SIPA1L1: variants seen among roughly 807,000 people sequenced by gnomAD.
SIPA1L1 encodes signal induced proliferation associated 1 like 1.
SIPA1L1 carries 26 observed loss-of-function variants against 162.7 expected under a neutral mutation model. That is an observed-to-expected ratio of 0.16 (90% CI 0.12 to 0.22). SIPA1L1 has a LOEUF of 0.22. SIPA1L1 is among the 10% of genes least tolerant of loss of function. The probability of loss-of-function intolerance (pLI) is 1.00; values close to 1 mark genes in which losing one functional copy is unlikely to be tolerated. For synonymous variants in SIPA1L1, 829 were observed against 837.4 expected (o/e 0.99, Z 0.17); for missense variants, 1,874 against 2,241.0 (o/e 0.84, Z 3.31).
intron 3 of SIPA1L1, among the ~76,000 whole-genome samples, chr14:71,524,093 A>G (rs1448798191): frequency 6.6e-6 from 1 of 151,912 alleles, no homozygotes; most frequent in Non-Finnish European, 1.5e-5. Flanking sequence ...TGGGAGATGA[A>G]TATATGTATG....
chr14:71,542,423 C>CCTG (rs927103529), intron 4 of SIPA1L1, among the ~76,000 whole-genome samples: 16 of 150,768 alleles, frequency 1.1e-4, no homozygotes, highest in Non-Finnish European at 1.5e-4. Context: ...GCTTCTTCTT[C>CCTG]CTGCTGCTGC....
chr14:71,538,661 T>G (rs1391750878), intron 4 of SIPA1L1, among the ~76,000 whole-genome samples: 2 of 152,190 alleles, frequency 1.3e-5, no homozygotes, highest in Non-Finnish European at 2.9e-5. Context: ...TTTCTGGTGT[T>G]TGCTGGATAC....
chr14:71,549,067 C>G (rs1452030734), intron 4 of SIPA1L1, among the ~76,000 whole-genome samples: 3 of 152,122 alleles, frequency 2.0e-5, no homozygotes, highest in Admixed American at 1.3e-4. Flanking sequence ...AAATGCCTCA[C>G]TTTTATTAAA....
At chr14:71,454,710 T>C (rs938001538) in intron 2 of SIPA1L1, among the ~76,000 whole-genome samples, 2 of 152,116 alleles carry the variant, frequency 1.3e-5, no homozygotes, top group African/African-American at 2.4e-5. Context: ...TGAACAAATA[T>C]GCTGATTAAA....
intron 2 of SIPA1L1, among the ~76,000 whole-genome samples, chr14:71,365,828 C>T (rs922933911): frequency 3.3e-5 from 5 of 151,910 alleles, no homozygotes; most frequent in Admixed American, 1.3e-4. Context: ...CTGGCTCAAG[C>T]CATCCTCCTA....
chr14:71,555,688 T>G (rs1349267592), intron 4 of SIPA1L1, among the ~76,000 whole-genome samples: 3 of 152,198 alleles, frequency 2.0e-5, no homozygotes, highest in Non-Finnish European at 4.4e-5. Flanking sequence ...AGCTTTTGAT[T>G]TAAAATGAGA....
intron 2 of SIPA1L1, among the ~76,000 whole-genome samples, chr14:71,493,094 A>AT (rs2049422518): frequency 6.6e-6 from 1 of 151,762 alleles, no homozygotes; most frequent in African/African-American, 2.4e-5. Context: ...ATAGGTATTT[A>AT]TTTTTTTAGA....
chr14:71,632,022 A>C (rs943125017), intron 7 of SIPA1L1, among the ~76,000 whole-genome samples: 1 of 152,258 alleles, frequency 6.6e-6, no homozygotes, highest in Non-Finnish European at 1.5e-5. Context: ...TGCTTATTGC[A>C]GACCGGCCCA....
chr14:71,532,160 G>T (rs1161427846), intron 4 of SIPA1L1, among the ~76,000 whole-genome samples: 1 of 151,932 alleles, frequency 6.6e-6, no homozygotes, highest in Non-Finnish European at 1.5e-5. Context: ...TGTTGAAATT[G>T]TTTGAAGATC....
intron 17 of SIPA1L1, among the ~76,000 whole-genome samples, chr14:71,710,822 A>AG (rs1422826178): frequency 2.2e-4 from 34 of 151,268 alleles, no homozygotes; most frequent in Admixed American, 5.9e-4. Context: ...AAAAAAAAAA[A>AG]AAAGAAAGAA....
At chr14:71,446,903 TTTG>T (rs573248102) in intron 2 of SIPA1L1, among the ~76,000 whole-genome samples, 1,458 of 83,750 alleles carry the variant, frequency 0.017, 92 homozygotes, top group Non-Finnish European at 0.021. Context: ...TGTTTTTTTT[TTTG>T]TTTTTTTTTT....
intron 10 of SIPA1L1, among the ~76,000 whole-genome samples, chr14:71,662,481 C>G (rs1232789810): frequency 6.6e-6 from 1 of 152,186 alleles, no homozygotes; most frequent in Non-Finnish European, 1.5e-5. Context: ...CTGCTTTTAT[C>G]TCCATTTTCA....
intron 7 of SIPA1L1, among the ~76,000 whole-genome samples, chr14:71,645,833 G>C (rs2042109999): frequency 6.6e-6 from 1 of 152,160 alleles, no homozygotes; most frequent in African/African-American, 2.4e-5. Flanking sequence ...CCCACAAGAA[G>C]GTTCTCAGAG....
chr14:71,413,472 T>G (rs1455169227), intron 2 of SIPA1L1, among the ~76,000 whole-genome samples: 1 of 152,232 alleles, frequency 6.6e-6, no homozygotes, highest in East Asian at 1.9e-4. Flanking sequence ...GTGCAGTGGC[T>G]CACGCCTGTA....
chr14:71,484,040 C>T (rs2048553624), intron 2 of SIPA1L1, among the ~76,000 whole-genome samples: 1 of 152,180 alleles, frequency 6.6e-6, no homozygotes, highest in East Asian at 1.9e-4. Flanking sequence ...AAGCAGGGGG[C>T]TCTGTCCTCA....
In SIPA1L1 at chr14:71,624,091, C is replaced by T. The variant is rs749955712; in HGVS notation, c.1673C>T (p.Ser558Leu). The change falls in exon 7 of 24, where the codon TCG becomes TTG. Residue 558 changes from serine to leucine, a missense_variant. This residue lies in a region of SIPA1L1 where 685 missense variants were observed against 828.0 expected (regional missense o/e 0.83). Coordinates refer to ENST00000381232, the MANE Select transcript of SIPA1L1 (RefSeq NM_001386936.1). ...RGSVLEDAIP[S>L]TAKHSTARGL... is the part of the protein sequence containing the mutation. ...TCGGTCCTGGAGGACGCCATTCCGT[C>T]GACAGCCAAGCACTCGACAGCCAGA... 1.2e-6 allele frequency: 2 copies of T among 1,613,558 alleles called. No homozygotes were observed. Among genetic ancestry groups the T allele is most frequent in the Non-Finnish European group, 1.7e-6 (2 of 1,179,692 alleles).
At chr14:71,690,723 A>G (rs1382105261) in intron 13 of SIPA1L1, among the ~76,000 whole-genome samples, 1 of 151,684 alleles carries the variant, frequency 6.6e-6, no homozygotes, top group Non-Finnish European at 1.5e-5. Flanking sequence ...TGTGTTCCCC[A>G]CTTCTTCCTC....
intron 4 of SIPA1L1, among the ~76,000 whole-genome samples, chr14:71,560,737 TGG>T (rs1280012064): frequency 6.6e-6 from 1 of 152,204 alleles, no homozygotes; most frequent in East Asian, 1.9e-4. Context: ...GAGAACAGTA[TGG>T]GTTAGTTAAT....
chr14:71,602,201 T>C (rs755027324), intron 5 of SIPA1L1, among the ~76,000 whole-genome samples: 6 of 152,182 alleles, frequency 3.9e-5, no homozygotes, highest in Non-Finnish European at 8.8e-5. Flanking sequence ...CTCATTGTTA[T>C]AAAATTATCA....
Sources: gnomAD v4.1 joint callset for allele counts (sites outside exome capture counted in the v4.1 genomes callset) on GRCh38, gnomAD v4.1.1 for gene constraint, gnomAD v4.1.1 regional missense constraint, MANE v1.5 for transcripts, NCBI Gene and HGNC (gene_info 2026-07-23, HGNC 2026-07-21) for gene names.